Variants in THSD7A observed in about 807,000 individuals in gnomAD.
THSD7A encodes thrombospondin type-1 domain-containing protein 7A.
A neutral mutation model predicts 231.3 loss-of-function variants in THSD7A; 96 were observed. That is an observed-to-expected ratio of 0.41 (90% CI 0.35 to 0.49). THSD7A has a LOEUF of 0.49. Among genes scored for constraint, THSD7A ranks in the 20% least tolerant of loss-of-function variants. The pLI is 0.05. For synonymous variants in THSD7A, 940 were observed against 743.3 expected (o/e 1.26, Z -4.30); for missense variants, 2,290 against 2,070.2 (o/e 1.11, Z -2.06).
chr7:11,484,863 T>C (rs6969046), intron 6 of THSD7A, among the ~76,000 whole-genome samples: 11,391 of 132,264 alleles, frequency 0.086, 495 homozygotes, highest in East Asian at 0.14. Context: ...ACCCACTGAA[T>C]CACAACCTTA....
intron 1 of THSD7A, among the ~76,000 whole-genome samples, chr7:11,716,350 G>A (rs955551993): frequency 5.3e-4 from 81 of 151,538 alleles, no homozygotes; most frequent in African/African-American, 1.9e-3. Flanking sequence ...TAATGAAGTA[G>A]AGATTAATAG....
chr7:11,831,806 A>C lies in THSD7A; in HGVS notation c.141T>G (p.Ala47=). 2.1e-6 allele frequency: 3 copies of C among 1,456,910 alleles called. No homozygotes were observed. Among genetic ancestry groups the C allele is most frequent in the Non-Finnish European group, 2.7e-6 (3 of 1,100,946 alleles). The allele number at this position is 1,456,910 out of a possible 1,614,324, so 90.2% of individuals were successfully genotyped here. ...LLLLRPGAGR[A]AAQGEAEAPT... ...GCGCCTCCGCCTCGCCCTGCGCCGC[A>C]GCCCTGCCGGCGCCCGGGCGTAGCA... Residue 47 remains alanine, a synonymous_variant, in exon 1 of 28, where the codon GCT becomes GCG. Coordinates refer to ENST00000423059, the MANE Select transcript of THSD7A (RefSeq NM_015204.3). The surrounding 1 kb of genome is among the most constrained non-coding windows in gnomAD (Gnocchi z 5.0).
chr7:11,380,323 C>G (rs187357175), intron 24 of THSD7A, among the ~76,000 whole-genome samples: 1 of 151,972 alleles, frequency 6.6e-6, no homozygotes, highest in Non-Finnish European at 1.5e-5. Context: ...AGTGTAGTAC[C>G]AACTGTGCCT....
At position 11,566,597 on chromosome 7, in the gene THSD7A, C is replaced by T. The variant is rs74668465; in HGVS notation, c.1454-23480G>A. Among the ~76,000 whole-genome samples the T allele has an allele frequency of 9.9e-3, 1,515 of 152,262 alleles. 23 individuals carry two copies. The highest frequency in any genetic ancestry group is 0.035 in the African/African-American group (1,439 of 41,550). ...ACATTCCAGAACAGAGCTGCATGCACTCTGATAAACAATTGCTTGCTATTA... is the reference window on the plus strand; with the variant it reads ...ACATTCCAGAACAGAGCTGCATGCATTCTGATAAACAATTGCTTGCTATTA... On this transcript the variant is annotated intron_variant, in intron 4 of 27. Coordinates refer to ENST00000423059, the MANE Select transcript of THSD7A (RefSeq NM_015204.3).
intron 1 of THSD7A, among the ~76,000 whole-genome samples, chr7:11,695,236 A>G (rs999676232): frequency 1.3e-5 from 2 of 151,548 alleles, no homozygotes; most frequent in Non-Finnish European, 3.0e-5. Context: ...CAGTATTGGC[A>G]AAAACATAGT....
chr7:11,490,350 T>C (rs763904692), intron 6 of THSD7A, among the ~76,000 whole-genome samples: 1 of 152,140 alleles, frequency 6.6e-6, no homozygotes, highest in Non-Finnish European at 1.5e-5. Flanking sequence ...CCACCCATGA[T>C]ATAAGTTGCC....
chr7:11,476,930 ACTTTT>A (rs1786214974), intron 7 of THSD7A, among the ~76,000 whole-genome samples: 1 of 152,192 alleles, frequency 6.6e-6, no homozygotes, highest in Non-Finnish European at 1.5e-5. Context: ...TGATATAAAT[ACTTTT>A]CTTTTCCTGG....
Position 11,376,644 on chromosome 7 carries a change from C to A in THSD7A, c.4815G>T (p.Lys1605Asn). The change falls in exon 27 of 28, where the codon AAG (lysine) becomes AAT (asparagine). Residue 1605 changes from lysine to asparagine, a missense_variant. By Grantham distance (94) the Lys-to-Asn change is moderately conservative. Coordinates refer to ENST00000423059, the MANE Select transcript of THSD7A (RefSeq NM_015204.3). ...CAGCTGCTACACCGTAAACCCAGGT[C>A]TTTAGTCTCCCATCTAAGAAGAATG... ...LQPFGPDGRLKTWVYGVAAGA... is the reference protein window; with the variant it reads ...LQPFGPDGRLNTWVYGVAAGA... 1 of 1,577,996 alleles carries A rather than the reference C, an allele frequency of 6.3e-7. No individual in the cohort carries two copies.
intron 23 of THSD7A, among the ~76,000 whole-genome samples, chr7:11,394,629 T>C (rs993454612): frequency 6.6e-6 from 1 of 152,226 alleles, no homozygotes; most frequent in African/African-American, 2.4e-5. Context: ...GCACACGTGA[T>C]GTTCCTTGAA....
chr7:11,733,795 T>C (rs1159517763), intron 1 of THSD7A, among the ~76,000 whole-genome samples: 3 of 151,984 alleles, frequency 2.0e-5, no homozygotes, highest in Non-Finnish European at 4.4e-5. Context: ...CTTCTCATAG[T>C]AACACTGCTC....
chr7:11,517,142 A>G (rs367551750), intron 6 of THSD7A, among the ~76,000 whole-genome samples: 2 of 152,118 alleles, frequency 1.3e-5, no homozygotes, highest in African/African-American at 4.8e-5. Flanking sequence ...TCAGTGGCAC[A>G]ATCTTGGCTC....
chr7:11,588,910 G>T (rs1780035395), intron 4 of THSD7A, among the ~76,000 whole-genome samples: 1 of 152,136 alleles, frequency 6.6e-6, no homozygotes, highest in African/African-American at 2.4e-5. Context: ...TGTATCCCTA[G>T]GCTAGACTCC....
At chr7:11,626,079 A>G (rs1005504877) in intron 2 of THSD7A, among the ~76,000 whole-genome samples, 1 of 152,150 alleles carries the variant, frequency 6.6e-6, no homozygotes, top group Non-Finnish European at 1.5e-5. Flanking sequence ...ATGATTAGGC[A>G]GTGACATATA....
chr7:11,568,334 T>A (rs2128333281), intron 4 of THSD7A, among the ~76,000 whole-genome samples: 1 of 152,236 alleles, frequency 6.6e-6, no homozygotes. Flanking sequence ...TTTTCAAATA[T>A]CACTTAAAAT....
At position 11,428,958 on chromosome 7, in the gene THSD7A, G is replaced by T. The variant is rs750213507; in HGVS notation, c.3232C>A (p.His1078Asn). 5 of 1,604,984 alleles carry T rather than the reference G, an allele frequency of 3.1e-6. No individual in the cohort carries two copies. In the East Asian group the frequency reaches 1.1e-4, roughly 36 times the overall value. ...NGGRPCPKLD[H>N]VNQAQVYEVV... ...ATGATAGAAAATACCTGGTTGACATGGTCCAGTTTGGGGCAAGGCCTTCCT... is the reference window on the plus strand; with the variant it reads ...ATGATAGAAAATACCTGGTTGACATTGTCCAGTTTGGGGCAAGGCCTTCCT... Residue 1078 changes from histidine (H) to asparagine (N), a missense_variant, in exon 14 of 28, where the codon CAT becomes AAT. By Grantham distance (68) the His-to-Asn change is moderately conservative. Coordinates refer to ENST00000423059, the MANE Select transcript of THSD7A (RefSeq NM_015204.3).
intron 1 of THSD7A, chr7:11,820,742 T>A: frequency 8.3e-7 from 1 of 1,201,096 alleles, no homozygotes; most frequent in Admixed American, 1.7e-5. Flanking sequence ...CTCTTCAGTG[T>A]ACTCTTCTGC....
chr7:11,404,717 A>T (rs1295455047), intron 22 of THSD7A, among the ~76,000 whole-genome samples: 1 of 152,210 alleles, frequency 6.6e-6, no homozygotes, highest in Non-Finnish European at 1.5e-5. Context: ...GCCTGGCTTT[A>T]GAAAGTCAGA....
In THSD7A at chr7:11,411,796, T is replaced by C. The variant is rs1486139251; in HGVS notation, c.3683-474A>G. ...AAGAAAATGCATACGTTTATTAAAG[T>C]GATAAAAATCACTTTGGCCATATTT... On this transcript the variant is annotated intron_variant, in intron 18 of 27. Transcript: ENST00000423059. The surrounding 1 kb of genome is among the most constrained non-coding windows in gnomAD (Gnocchi z 4.1). 4.6e-5 allele frequency among the ~76,000 whole-genome samples: 7 copies of C among 152,196 alleles called. No individual in the cohort carries two copies. The highest frequency in any genetic ancestry group is 1.0e-4 in the Non-Finnish European group (7 of 68,034).
chr7:11,730,785 ATTTTC>A (rs1781701577), intron 1 of THSD7A, among the ~76,000 whole-genome samples: 1 of 151,160 alleles, frequency 6.6e-6, no homozygotes. Context: ...TCCCCTTTAT[ATTTTC>A]TTTTCTGTCT....
Sources: gnomAD v4.1 joint callset for allele counts (sites outside exome capture counted in the v4.1 genomes callset) on GRCh38, gnomAD v4.1.1 for gene constraint, Gnocchi (gnomAD v3.1) non-coding constraint, MANE v1.5 for transcripts, NCBI Gene and HGNC (gene_info 2026-07-23, HGNC 2026-07-21) for gene names.